KIF7: variants seen among roughly 807,000 people sequenced by gnomAD.
KIF7 encodes the protein kinesin family member 7.
A neutral mutation model predicts 135.7 loss-of-function variants in KIF7; 104 were observed. The observed-to-expected ratio is 0.77, with a 90% CI of 0.65 to 0.90. KIF7 has a LOEUF of 0.90. Ranked by LOEUF, KIF7 falls within the 40% of genes least tolerant of loss-of-function variation. The probability of loss-of-function intolerance (pLI) is 0.00; values close to 1 mark genes in which losing one functional copy is unlikely to be tolerated. For synonymous variants in KIF7, 883 were observed against 809.4 expected (o/e 1.09, Z -1.54); for missense variants, 2,005 against 1,839.1 (o/e 1.09, Z -1.65).
At chr15:89,647,525 GA>G in intron 6 of KIF7, 70 bp downstream of exon 6, 1 of 1,370,676 alleles carries the variant, frequency 7.3e-7, no homozygotes. Flanking sequence ...CCCATCCTGA[GA>G]AACTCAGCTC....
downstream of KIF7, chr15:89,627,395 CAG>C (rs1567055256): frequency 5.8e-6 from 2 of 343,370 alleles, no homozygotes; most frequent in African/African-American, 2.1e-5. Flanking sequence ...CTTGGCAAGT[CAG>C]GGGGCCACTC....
downstream of KIF7, among the ~76,000 whole-genome samples, chr15:89,623,008 C>T (rs572470430): frequency 2.6e-5 from 4 of 152,334 alleles, no homozygotes; most frequent in African/African-American, 7.2e-5. Flanking sequence ...AGTCCCCTGA[C>T]GGGATGAAGG....
chr15:89,657,016 TA>T (rs1250254824), upstream of KIF7, among the ~76,000 whole-genome samples: 7 of 152,026 alleles, frequency 4.6e-5, no homozygotes, highest in Admixed American at 3.9e-4. Context: ...CTTTAAGAGG[TA>T]CAATTCTGGG....
upstream of KIF7, among the ~76,000 whole-genome samples, chr15:89,659,192 G>C (rs1964234171): frequency 1.3e-5 from 2 of 152,218 alleles, no homozygotes; most frequent in African/African-American, 4.8e-5. Context: ...ATTTATCCTT[G>C]ATAAAGAGTT....
At chr15:89,658,019 G>C (rs1228038396), upstream of KIF7, among the ~76,000 whole-genome samples, 1 of 152,246 alleles carries the variant, frequency 6.6e-6, no homozygotes, top group Non-Finnish European at 1.5e-5. Flanking sequence ...AGAGTAGAGA[G>C]TGCAGATCAG....
intron 7 of KIF7, among the ~76,000 whole-genome samples, chr15:89,646,325 G>A (rs1964012466): frequency 6.6e-6 from 1 of 152,256 alleles, no homozygotes; most frequent in East Asian, 1.9e-4. Flanking sequence ...TTCCCTGCCA[G>A]AGTGATGGGT....
At chr15:89,623,631 G>C (rs1255919747), downstream of KIF7, 1 of 1,606,542 alleles carries the variant, frequency 6.2e-7, no homozygotes, top group East Asian at 2.2e-5. Flanking sequence ...AGACTCCCAA[G>C]AAGAGTCACC....
downstream of KIF7, chr15:89,624,091 C>T (rs1567052930): frequency 1.9e-6 from 3 of 1,613,860 alleles, no homozygotes; most frequent in Non-Finnish European, 2.5e-6. Flanking sequence ...CATGGGCACG[C>T]CTCAGAATCA....
chr15:89,629,284 TG>T (rs1567057170), intron 17 of KIF7, 90 bp downstream of exon 17: 2 of 570,176 alleles, frequency 3.5e-6, no homozygotes, highest in Non-Finnish European at 4.3e-6. Flanking sequence ...GCAGGGGCGG[TG>T]GGGGGAGGGA....
At chr15:89,621,363 T>A (rs762042973) in intron 1 of KIF7, 2 of 1,584,274 alleles carry the variant, frequency 1.3e-6, no homozygotes, top group Non-Finnish European at 1.7e-6. Context: ...TGAGAAAGAA[T>A]TAAATATTGT....
rs1287671158 is a variant in KIF7, at chr15:89,630,458, G to C, written c.3147C>G (p.Ile1049Met). 5.1e-6 allele frequency: 8 copies of C among 1,568,930 alleles called. No individual in the cohort carries two copies. The Admixed American group carries it at 5.7e-5, about 11-fold the overall frequency. ...ERTLFQLDEA[I>M]EALDAAIEYK... ...ACTCAATGGCAGCATCCAGGGCCTC[G>C]ATGGCCTCATCCAACTGGAACAGCG... Residue 1049 changes from isoleucine to methionine, a missense_variant, in exon 16 of 19, where the codon ATC becomes ATG. By Grantham distance (10) the Ile-to-Met change is conservative. Transcript: ENST00000394412.
At chr15:89,649,553 A>T (rs999221060) in intron 3 of KIF7, among the ~76,000 whole-genome samples, 186 bp from the exon 4 acceptor site, 5 of 152,136 alleles carry the variant, frequency 3.3e-5, no homozygotes, top group Non-Finnish European at 7.4e-5. Context: ...GGCCCACCTC[A>T]GTGCCTCTCA....
Position 89,628,580 on chromosome 15 carries a change from C to G in KIF7, c.3871G>C (p.Glu1291Gln), listed in dbSNP as rs751191936. Residue 1291 changes from glutamate to glutamine, a missense_variant, in exon 19 of 19, where the codon GAG (glutamate) becomes CAG (glutamine). Physicochemically the swap from Glu to Gln is conservative, Grantham distance 29. Transcript: ENST00000394412. The stretch of plus-strand genomic sequence containing the variant: ...GCCGCCTCCCGCTGCCTCAGTTCCT[C>G]GGGGGACCCCTGCTCCTCACCACAC... ...SLCGEEQGSP[E>Q]ELRQREAAEP... 15 of 1,613,546 alleles carry G rather than the reference C, an allele frequency of 9.3e-6. No individual in the cohort carries two copies. Among genetic ancestry groups the G allele is most frequent in the Non-Finnish European group, 8.5e-7 (1 of 1,180,016 alleles).
At chr15:89,658,863 C>G (rs1260771045), upstream of KIF7, among the ~76,000 whole-genome samples, 1 of 151,396 alleles carries the variant, frequency 6.6e-6, no homozygotes. Context: ...GACCCTGTCT[C>G]AAAAATAATA....
At chr15:89,656,053 T>C (rs147140331), upstream of KIF7, among the ~76,000 whole-genome samples, 44 of 152,302 alleles carry the variant, frequency 2.9e-4, 2 homozygotes, top group East Asian at 8.5e-3. Flanking sequence ...TGAAAACATA[T>C]TTGTCACTTA....
intron 10 of KIF7, 144 bp downstream of exon 10, chr15:89,644,869 G>T: frequency 1.9e-6 from 2 of 1,047,396 alleles, no homozygotes; most frequent in Non-Finnish European, 2.8e-6. Flanking sequence ...CACACAGCTG[G>T]AAGAGGCTGG....
chr15:89,662,373 T>G, the KIF7 span, among the ~76,000 whole-genome samples: 1 of 152,170 alleles, frequency 6.6e-6, no homozygotes, highest in Non-Finnish European at 1.5e-5. Context: ...GGCGCACACC[T>G]GTAATCTCAG....
downstream of KIF7, chr15:89,626,046 A>G: frequency 6.2e-7 from 1 of 1,613,904 alleles, no homozygotes; most frequent in Non-Finnish European, 8.5e-7. Flanking sequence ...TTCCTCTCAG[A>G]GCAAAGACCC....
At chr15:89,625,231 A>C (rs764701003), downstream of KIF7, 116 of 1,613,478 alleles carry the variant, frequency 7.2e-5, no homozygotes, top group Non-Finnish European at 9.5e-5. Context: ...CAGGGGGCAA[A>C]CCTACATCTG....
Sources: allele counts gnomAD v4.1 joint callset (sites outside exome capture counted in the v4.1 genomes callset), GRCh38; gene constraint gnomAD v4.1.1; transcripts MANE v1.5; gene names NCBI Gene and HGNC (gene_info 2026-07-23, HGNC 2026-07-21).